S100Z: variants seen among roughly 807,000 people sequenced by gnomAD.
The protein encoded by S100Z is S100 calcium binding protein Z, also known as protein S100-Z.
Under a neutral mutation model 8.5 loss-of-function variants are expected in S100Z, and 11 were observed. The ratio of observed to expected loss-of-function variants is 1.30; its 90% CI spans 0.82 to 2.15. The LOEUF is 2.15. Among genes scored for constraint, S100Z ranks in the 30% most tolerant of loss-of-function variants. The pLI is 0.00. For missense variants in S100Z, 126 were observed against 117.9 expected, an observed-to-expected ratio of 1.07 and a Z score of -0.32; for synonymous variants, 34 against 43.8, an observed-to-expected ratio of 0.78 and a Z score of 0.89.
chr5:76,875,661 G>A (rs1743165099), intron 3 of S100Z, among the ~76,000 whole-genome samples, 161 bp downstream of exon 3: 1 of 152,192 alleles, frequency 6.6e-6, no homozygotes, highest in African/African-American at 2.4e-5. Context: ...GGAGACGTTT[G>A]TTTTCTGTGT....
chr5:76,852,078 G>A (rs1750746017), intron 1 of S100Z, among the ~76,000 whole-genome samples: 1 of 151,270 alleles, frequency 6.6e-6, no homozygotes, highest in African/African-American at 2.4e-5. Context: ...AAAAAGTGAA[G>A]TTCTGGGAGC....
intron 4 of S100Z, among the ~76,000 whole-genome samples, chr5:76,905,694 G>A (rs986082528): frequency 2.6e-5 from 4 of 152,140 alleles, no homozygotes; most frequent in African/African-American, 4.8e-5. Context: ...TTACAGGTGC[G>A]AACCACCGTG....
chr5:76,897,284 T>C (rs1315925339), intron 4 of S100Z, among the ~76,000 whole-genome samples: 1 of 151,590 alleles, frequency 6.6e-6, no homozygotes, highest in Non-Finnish European at 1.5e-5. Context: ...ACTAAAAAAA[T>C]ACAAAAAATT....
chr5:76,874,718 TTTAG>T (rs1743117740), intron 2 of S100Z, among the ~76,000 whole-genome samples: 1 of 152,118 alleles, frequency 6.6e-6, no homozygotes, highest in Non-Finnish European at 1.5e-5. Context: ...AATTCTATAT[TTTAG>T]TTTGACTTTG....
At chr5:76,930,378 A>C in the S100Z span, among the ~76,000 whole-genome samples, 14 of 152,204 alleles carry the variant, frequency 9.2e-5, no homozygotes, top group African/African-American at 2.7e-4. Flanking sequence ...AAACAGGTGC[A>C]CAGAAATGAT....
chr5:76,911,359 T>G lies in S100Z; in HGVS notation c.*3-9358T>G, dbSNP rs143692384. 9.2e-3 allele frequency among the ~76,000 whole-genome samples: 1,397 copies of G among 152,298 alleles called. 17 individuals are homozygous for G. Among genetic ancestry groups the G allele is most frequent in the African/African-American group, 0.032 (1,322 of 41,554 alleles). On this transcript the variant is annotated intron_variant, in intron 4 of 4. Coordinates refer to ENST00000317593, the MANE Select transcript of S100Z (RefSeq NM_130772.4). ...AGGCAGTAATTCCTCTATATCCAGT[T>G]GTACCCAACCCCTATAGCCTGCTCT...
At chr5:76,927,664 A>G in the S100Z span, among the ~76,000 whole-genome samples, 1 of 152,234 alleles carries the variant, frequency 6.6e-6, no homozygotes, top group Non-Finnish European at 1.5e-5. Context: ...GGGCATTTTG[A>G]TGAAAGAAGA....
intron 1 of S100Z, among the ~76,000 whole-genome samples, chr5:76,859,804 G>C (rs1350435302): frequency 4.4e-5 from 6 of 136,116 alleles, no homozygotes; most frequent in Non-Finnish European, 8.0e-5. Flanking sequence ...AAAATGAGAA[G>C]CCTTCATCAC....
the S100Z span, among the ~76,000 whole-genome samples, chr5:76,936,855 G>A: frequency 6.6e-6 from 1 of 152,088 alleles, no homozygotes; most frequent in Non-Finnish European, 1.5e-5. Flanking sequence ...CTGAAAGAAG[G>A]AGCACTGGGA....
chr5:76,912,087 G>A (rs182707724), intron 4 of S100Z, among the ~76,000 whole-genome samples: 928 of 78,208 alleles, frequency 0.012, 11 homozygotes, highest in African/African-American at 0.067. Flanking sequence ...TAGTTGCGGC[G>A]TTGGCTTAGT....
the S100Z span, among the ~76,000 whole-genome samples, chr5:76,931,139 C>T: frequency 6.6e-6 from 1 of 151,342 alleles, no homozygotes; most frequent in Non-Finnish European, 1.5e-5. Context: ...GGGTCTCACT[C>T]GGTCGTCGAG....
chr5:76,866,507 A>C (rs1258554755), intron 1 of S100Z, among the ~76,000 whole-genome samples: 1 of 152,046 alleles, frequency 6.6e-6, no homozygotes, highest in East Asian at 1.9e-4. Context: ...TTACTTACCA[A>C]CTCACACAGA....
chr5:76,935,767 G>T, the S100Z span, among the ~76,000 whole-genome samples: 6 of 147,376 alleles, frequency 4.1e-5, no homozygotes, highest in African/African-American at 1.5e-4. Context: ...TCAAAATAAT[G>T]ACTTTTTTTT....
At chr5:76,863,524 T>A (rs1751126811) in intron 1 of S100Z, among the ~76,000 whole-genome samples, 1 of 152,186 alleles carries the variant, frequency 6.6e-6, no homozygotes, top group African/African-American at 2.4e-5. Context: ...ATATTATCTC[T>A]TATTTTGTTT....
intron 4 of S100Z, among the ~76,000 whole-genome samples, chr5:76,898,519 T>C (rs1347541788): frequency 6.6e-6 from 1 of 152,192 alleles, no homozygotes; most frequent in Non-Finnish European, 1.5e-5. Flanking sequence ...TAAAGGGATG[T>C]TGAATTTTGT....
At chr5:76,948,057 G>A in the S100Z span, among the ~76,000 whole-genome samples, 101 of 152,240 alleles carry the variant, frequency 6.6e-4, no homozygotes, top group Middle Eastern at 3.4e-3. Context: ...TGGGAGCCGC[G>A]GCTCACATCT....
chr5:76,895,168 A>C (rs762143435), intron 4 of S100Z, among the ~76,000 whole-genome samples: 2 of 152,176 alleles, frequency 1.3e-5, no homozygotes. Context: ...AGTCAAGCGC[A>C]TGTTTTCTGA....
chr5:76,930,974 C>T, the S100Z span, among the ~76,000 whole-genome samples: 1 of 152,080 alleles, frequency 6.6e-6, no homozygotes, highest in Non-Finnish European at 1.5e-5. Flanking sequence ...AGAATGGGGT[C>T]GGCAAAGTTA....
chr5:76,911,590 C>A (rs951967782), intron 4 of S100Z, among the ~76,000 whole-genome samples: 1 of 152,186 alleles, frequency 6.6e-6, no homozygotes, highest in Non-Finnish European at 1.5e-5. Context: ...AAGATCTAGG[C>A]CATTTCTCAA....
Sources: gnomAD v4.1 joint callset for allele counts (sites outside exome capture counted in the v4.1 genomes callset) on GRCh38, gnomAD v4.1.1 for gene constraint, MANE v1.5 for transcripts, NCBI Gene and HGNC (gene_info 2026-07-23, HGNC 2026-07-21) for gene names.